PPP1R12B: variants seen among roughly 807,000 people sequenced by gnomAD.
PPP1R12B encodes the protein protein phosphatase 1 regulatory subunit 12B, also known as myosin phosphatase target subunit 2.
A neutral mutation model predicts 126.1 loss-of-function variants in PPP1R12B; 76 were observed. The ratio of observed to expected loss-of-function variants is 0.60; its 90% confidence interval spans 0.50 to 0.73. The LOEUF (loss-of-function observed/expected upper bound fraction) is 0.73, where lower values mean the gene tolerates loss of function less well. PPP1R12B is among the 30% of genes least tolerant of loss of function. The pLI is 0.00. For synonymous variants in PPP1R12B, 356 were observed against 434.7 expected (o/e 0.82, Z 2.25); for missense variants, 1,052 against 1,205.1 (o/e 0.87, Z 1.88).
chr1:202,435,373 C>T (rs975536094), intron 9 of PPP1R12B, among the ~76,000 whole-genome samples: 1 of 152,178 alleles, frequency 6.6e-6, no homozygotes, highest in Non-Finnish European at 1.5e-5. Flanking sequence ...TTCTTTGTAT[C>T]TGAAGTTAAG....
intron 23 of PPP1R12B, among the ~76,000 whole-genome samples, chr1:202,571,161 A>G (rs768749733): frequency 6.6e-6 from 1 of 152,198 alleles, no homozygotes; most frequent in African/African-American, 2.4e-5. Context: ...TAAATTTGGA[A>G]TTATGGAAGC....
chr1:202,495,898 G>A (rs1679497149), intron 17 of PPP1R12B, among the ~76,000 whole-genome samples: 1 of 152,176 alleles, frequency 6.6e-6, no homozygotes, highest in Non-Finnish European at 1.5e-5. Context: ...TAAGCACATG[G>A]TAGGCACTCA....
intron 6 of PPP1R12B, among the ~76,000 whole-genome samples, chr1:202,429,510 A>C (rs1442215327): frequency 6.6e-6 from 1 of 152,094 alleles, no homozygotes; most frequent in Admixed American, 6.6e-5. Context: ...TTGGTCATGC[A>C]TGTCTTTGGC....
At chr1:202,480,476 A>G (rs1229445826) in intron 13 of PPP1R12B, among the ~76,000 whole-genome samples, 1 of 152,254 alleles carries the variant, frequency 6.6e-6, no homozygotes, top group Non-Finnish European at 1.5e-5. Flanking sequence ...TCAAAGCATT[A>G]CTGATGGTCA....
intron 1 of PPP1R12B, among the ~76,000 whole-genome samples, chr1:202,394,077 GC>G: frequency 6.6e-6 from 1 of 152,138 alleles, no homozygotes; most frequent in African/African-American, 2.4e-5. Flanking sequence ...GGTGGCTCAC[GC>G]CTGTAATCCC....
chr1:202,528,887 A>G (rs1683636246), intron 18 of PPP1R12B, among the ~76,000 whole-genome samples: 1 of 152,092 alleles, frequency 6.6e-6, no homozygotes, highest in African/African-American at 2.4e-5. Context: ...AAAAACTTTT[A>G]TGTCATCTTC....
Position 202,440,776 on chromosome 1 carries a change from A to G in PPP1R12B, c.1529A>G (p.Glu510Gly), listed in dbSNP as rs112086564. The change falls in exon 11 of 24, where the codon GAA becomes GGA. Residue 510 changes from glutamate to glycine, a missense_variant. Glu to Gly is a moderately conservative substitution (Grantham distance 98). Coordinates refer to ENST00000608999, the MANE Select transcript of PPP1R12B (RefSeq NM_002481.4). ...CTCAACAGCACAAGTGATATTGAAG[A>G]AAAGGAGAACAGGTAATCCTAAAAC... ...RKLNSTSDIE[E>G]KENRESAVNL... 237 of 1,613,430 alleles carry G rather than the reference A, an allele frequency of 1.5e-4. No homozygotes were observed. In the African/African-American group the frequency reaches 2.1e-3, roughly 14 times the overall value.
At chr1:202,361,901 A>G (rs1658281252) in intron 1 of PPP1R12B, among the ~76,000 whole-genome samples, 1 of 152,154 alleles carries the variant, frequency 6.6e-6, no homozygotes, top group Admixed American at 6.6e-5. Context: ...TGGAAGTGAC[A>G]TTGGGGCATT....
At chr1:202,558,202 A>G (rs1001595116) in intron 18 of PPP1R12B, among the ~76,000 whole-genome samples, 2 of 152,070 alleles carry the variant, frequency 1.3e-5, no homozygotes, top group Non-Finnish European at 2.9e-5. Context: ...TCAAACACAG[A>G]CATAAGCACT....
At chr1:202,373,265 A>T (rs1660611472) in intron 1 of PPP1R12B, among the ~76,000 whole-genome samples, 1 of 152,076 alleles carries the variant, frequency 6.6e-6, no homozygotes, top group African/African-American at 2.4e-5. Context: ...TTTTGCCCCA[A>T]AGGTTTAAAT....
intron 18 of PPP1R12B, among the ~76,000 whole-genome samples, chr1:202,537,691 T>G (rs1684690424): frequency 6.6e-6 from 1 of 152,222 alleles, no homozygotes; most frequent in Non-Finnish European, 1.5e-5. Context: ...ACTGTATGAA[T>G]CTTACAGAAA....
At position 202,588,162 on chromosome 1, in the gene PPP1R12B, A is replaced by G. The variant is rs1016774212; in HGVS notation, c.*7602A>G. On this transcript the variant is annotated 3_prime_UTR_variant, in exon 24 of 24. Transcript: ENST00000608999. ...CTGACCTTGATCAACAGGGGTGAAA[A>G]GAACCACCCTGAGGTTTCCATGCCT... 2 of 152,570 alleles carry G rather than the reference A, an allele frequency of 1.3e-5. No homozygotes were observed. Among genetic ancestry groups the G allele is most frequent in the Non-Finnish European group, 1.5e-5 (1 of 68,040 alleles). The allele number at this position is 152,570 out of a possible 1,614,324, so 9.5% of individuals were successfully genotyped here. A position where few individuals can be genotyped will look rare whatever the true frequency, so the allele number is the denominator to read the frequency against.
intron 13 of PPP1R12B, among the ~76,000 whole-genome samples, chr1:202,475,338 G>A (rs1327370557): frequency 1.3e-5 from 2 of 152,140 alleles, no homozygotes; most frequent in Admixed American, 6.5e-5. Context: ...GCATGTTGAC[G>A]GAAATTTCTA....
At chr1:202,558,967 A>G (rs1687243164) in intron 19 of PPP1R12B, 74 bp downstream of exon 19, 1 of 1,406,364 alleles carries the variant, frequency 7.1e-7, no homozygotes, top group Non-Finnish European at 9.6e-7. Flanking sequence ...ACTTAGCTTT[A>G]TATAATAATT....
Position 202,591,630 on chromosome 1 carries a change from GGCT to G in PPP1R12B, c.*11074_*11076del, listed in dbSNP as rs1318712569. The G allele has an allele frequency of 6.6e-6, 1 of 152,564 alleles. No individual in the cohort carries two copies. The highest frequency in any genetic ancestry group is 1.5e-5 in the Non-Finnish European group (1 of 68,272). The allele number at this position is 152,564 out of a possible 1,614,324, so 9.5% of individuals were successfully genotyped here. A position where few individuals can be genotyped will look rare whatever the true frequency, so the allele number is the denominator to read the frequency against. ...TAGCCCTGAGGTTGCCCCGCTATTGGGCTGCTTTCTGTCAGACTGCAGGAGGAT... is the reference window on the plus strand; with the variant it reads ...TAGCCCTGAGGTTGCCCCGCTATTGGGCTTTCTGTCAGACTGCAGGAGGAT... On this transcript the variant is annotated 3_prime_UTR_variant, in exon 24 of 24. Coordinates refer to ENST00000608999, the MANE Select transcript of PPP1R12B (RefSeq NM_002481.4).
At chr1:202,519,050 G>A (rs529997872) in intron 18 of PPP1R12B, among the ~76,000 whole-genome samples, 102 of 152,222 alleles carry the variant, frequency 6.7e-4, no homozygotes, top group African/African-American at 2.4e-3. Flanking sequence ...TATGTCTTTA[G>A]TATGTTATTT....
intron 18 of PPP1R12B, among the ~76,000 whole-genome samples, chr1:202,540,784 G>A (rs1182622255): frequency 6.6e-6 from 1 of 152,198 alleles, no homozygotes; most frequent in Admixed American, 6.5e-5. Context: ...TGAGCAATGA[G>A]CAAGGAGTTA....
At chr1:202,536,974 G>C (rs1558345943) in intron 18 of PPP1R12B, among the ~76,000 whole-genome samples, 1 of 152,078 alleles carries the variant, frequency 6.6e-6, no homozygotes. Context: ...CCTGCCTGAG[G>C]CAATTTTACA....
In PPP1R12B at chr1:202,428,996, C is replaced by T. The variant is rs74488944; in HGVS notation, c.921+67C>T. 8.8e-5 allele frequency: 119 copies of T among 1,351,364 alleles called. No individual in the cohort carries two copies. In the Middle Eastern group the frequency reaches 3.0e-3, roughly 34 times the overall value. The allele number at this position is 1,351,364 out of a possible 1,614,324, so 83.7% of individuals were successfully genotyped here. A position where few individuals can be genotyped will look rare whatever the true frequency, so the allele number is the denominator to read the frequency against. The stretch of plus-strand genomic sequence containing the variant: ...TGCAGTTCACACCAAGTATCTCAAT[C>T]ACTTGTTTCAGTTGTGTCTGCTGAG... On this transcript the variant is annotated intron_variant, in intron 6 of 23. Coordinates refer to ENST00000608999, the MANE Select transcript of PPP1R12B (RefSeq NM_002481.4).
Sources: gnomAD v4.1 joint callset for allele counts (sites outside exome capture counted in the v4.1 genomes callset) on GRCh38, gnomAD v4.1.1 for gene constraint, MANE v1.5 for transcripts, NCBI Gene and HGNC (gene_info 2026-07-23, HGNC 2026-07-21) for gene names.